Variants in MAN1C1 observed in about 807,000 individuals in gnomAD.
The protein encoded by MAN1C1 is mannosidase alpha class 1C member 1.
In MAN1C1, 49 loss-of-function variants were observed where a neutral mutation model predicts 71.5. That is an observed-to-expected ratio of 0.69 (90% CI 0.54 to 0.87). The LOEUF (loss-of-function observed/expected upper bound fraction) is 0.87. MAN1C1 is among the 40% of genes least tolerant of loss of function. MAN1C1 has a pLI of 0.00. For synonymous variants in MAN1C1, 352 were observed against 343.7 expected (o/e 1.02, Z -0.27); for missense variants, 743 against 835.0 (o/e 0.89, Z 1.36).
chr1:25,622,478 C>T (rs1000712584), intron 1 of MAN1C1, among the ~76,000 whole-genome samples: 2 of 152,214 alleles, frequency 1.3e-5, no homozygotes, highest in African/African-American at 4.8e-5. Flanking sequence ...GTTAAGATTG[C>T]TAGTGGCTAA....
At chr1:25,738,722 T>G (rs771028323) in intron 2 of MAN1C1, among the ~76,000 whole-genome samples, 24 of 152,240 alleles carry the variant, frequency 1.6e-4, no homozygotes, top group Admixed American at 4.6e-4. Context: ...GATGGGACTG[T>G]CAGTCAGAAA....
chr1:25,763,677 C>T (rs2047390528), intron 6 of MAN1C1, 197 bp from the exon 7 acceptor site: 2 of 581,590 alleles, frequency 3.4e-6, no homozygotes, highest in Non-Finnish European at 3.1e-6. Context: ...CTGTCACACC[C>T]TTCACGTGGC....
At chr1:25,657,723 G>A (rs1349535027) in intron 1 of MAN1C1, among the ~76,000 whole-genome samples, 1 of 152,186 alleles carries the variant, frequency 6.6e-6, no homozygotes. Flanking sequence ...CAGGCCCTGG[G>A]AACATGGGAA....
intron 1 of MAN1C1, among the ~76,000 whole-genome samples, chr1:25,638,825 G>T (rs570171230): frequency 2.6e-5 from 4 of 152,162 alleles, no homozygotes; most frequent in African/African-American, 7.2e-5. Flanking sequence ...TCAGCAATTT[G>T]ACTATTGTAG....
intron 1 of MAN1C1, chr1:25,654,430 G>A (rs1345973377): frequency 6.6e-6 from 1 of 152,210 alleles, no homozygotes; most frequent in Non-Finnish European, 1.5e-5. Context: ...CAGGCCCCTA[G>A]TTGAGGAAAC....
intron 8 of MAN1C1, among the ~76,000 whole-genome samples, chr1:25,772,587 T>C (rs2047568383): frequency 7.3e-6 from 1 of 137,714 alleles, no homozygotes; most frequent in Admixed American, 7.0e-5. Context: ...TCGGATCTAC[T>C]CTGCCACCAC....
Position 25,631,815 on chromosome 1 carries a change from A to C in MAN1C1, c.540+13478A>C, listed in dbSNP as rs1418065054. Among the ~76,000 whole-genome samples the C allele has an allele frequency of 6.6e-6, 1 of 152,140 alleles. No homozygotes were observed. The highest frequency in any genetic ancestry group is 1.5e-5 in the Non-Finnish European group (1 of 68,018). Reference sequence around the variant, plus strand: ...CTTAATCTTTTGGAATAGTTTCAGTAGCTGGAGTGTAGTGGCGCGATCTCA... The same window carrying C: ...CTTAATCTTTTGGAATAGTTTCAGTCGCTGGAGTGTAGTGGCGCGATCTCA... On this transcript the variant is annotated intron_variant, in intron 1 of 11. Coordinates refer to ENST00000374332, the MANE Select transcript of MAN1C1 (RefSeq NM_020379.4). The surrounding 1 kb of genome is among the most constrained non-coding windows in gnomAD (Gnocchi z 4.2).
At chr1:25,749,724 A>G (rs755450806) in intron 4 of MAN1C1, among the ~76,000 whole-genome samples, 1 of 152,142 alleles carries the variant, frequency 6.6e-6, no homozygotes, top group Non-Finnish European at 1.5e-5. Context: ...GGGTCCATAC[A>G]TCATCCACTC....
In MAN1C1 at chr1:25,650,986, G is replaced by T. The variant is rs771580861; in HGVS notation, c.540+32649G>T. ...TTTTTTTTACTTATTCATTCAGTAAGTAAGAACTCCTCCAAGGAGACCTGG... is the reference window on the plus strand; with the variant it reads ...TTTTTTTTACTTATTCATTCAGTAATTAAGAACTCCTCCAAGGAGACCTGG... On this transcript the variant is annotated intron_variant, in intron 1 of 11. Coordinates refer to ENST00000374332, the MANE Select transcript of MAN1C1 (RefSeq NM_020379.4). Among the ~76,000 whole-genome samples, 6 of 152,100 alleles carry T rather than the reference G, an allele frequency of 3.9e-5. No homozygotes were observed. The South Asian group carries it at 1.2e-3, about 32-fold the overall frequency.
intron 2 of MAN1C1, among the ~76,000 whole-genome samples, chr1:25,687,598 C>T (rs994163629): frequency 6.6e-6 from 1 of 152,154 alleles, no homozygotes; most frequent in Non-Finnish European, 1.5e-5. Flanking sequence ...AGGGATATCC[C>T]CCCATCACCC....
chr1:25,729,656 C>T (rs1180559048), intron 2 of MAN1C1, among the ~76,000 whole-genome samples: 4 of 151,944 alleles, frequency 2.6e-5, no homozygotes, highest in East Asian at 1.9e-4. Flanking sequence ...GGACTACAGG[C>T]GCCCACCACC....
chr1:25,782,450 C>T lies in MAN1C1; in HGVS notation c.1651-135C>T. On this transcript the variant is annotated intron_variant, in intron 10 of 11. Coordinates refer to ENST00000374332, the MANE Select transcript of MAN1C1 (RefSeq NM_020379.4). This position sits in a 1 kb window ranked among gnomAD's most constrained non-coding sequence, Gnocchi z 4.4. ...TTTGACCTTCTGTTCCCACAAATGC[C>T]AGGAGTCCCCAGCCAAGGGGTGGGG... is the stretch of plus-strand genomic sequence containing the variant. 6.5e-6 allele frequency: 4 copies of T among 619,192 alleles called. No individual in the cohort carries two copies. The allele number at this position is 619,192 out of a possible 1,614,324, so 38.4% of individuals were successfully genotyped here. A position where few individuals can be genotyped will look rare whatever the true frequency, so the allele number is the denominator to read the frequency against.
In MAN1C1 at chr1:25,775,304, GC is replaced by G. The variant is rs2047605188; in HGVS notation, c.1258-2800del. Among the ~76,000 whole-genome samples the G allele has an allele frequency of 6.6e-6, 1 of 152,246 alleles. No individual in the cohort carries two copies. The highest frequency in any genetic ancestry group is 2.4e-5 in the African/African-American group (1 of 41,462). ...CCCCTGCCTGCAGCCCGGCTGCTCT[GC>G]AGGTGTCCTCAGCACTCCCCCATGT... On this transcript the variant is annotated intron_variant, in intron 8 of 11. Coordinates refer to ENST00000374332, the MANE Select transcript of MAN1C1 (RefSeq NM_020379.4). This position sits in a 1 kb window ranked among gnomAD's most constrained non-coding sequence, Gnocchi z 5.1.
intron 2 of MAN1C1, among the ~76,000 whole-genome samples, chr1:25,704,925 G>A (rs1298247395): frequency 6.6e-6 from 1 of 152,202 alleles, no homozygotes; most frequent in African/African-American, 2.4e-5. Flanking sequence ...GCATTTTTAA[G>A]CTCCTCTCCT....
At chr1:25,620,797 G>A (rs1254766479) in intron 1 of MAN1C1, among the ~76,000 whole-genome samples, 1 of 152,184 alleles carries the variant, frequency 6.6e-6, no homozygotes, top group Non-Finnish European at 1.5e-5. Context: ...TGGACACTTG[G>A]ACTCTAGATC....
chr1:25,628,555 G>A (rs1267136481), intron 1 of MAN1C1, among the ~76,000 whole-genome samples: 2 of 152,146 alleles, frequency 1.3e-5, no homozygotes, highest in African/African-American at 4.8e-5. Context: ...TGATCCATCT[G>A]CCCCTGCCTC....
intron 1 of MAN1C1, among the ~76,000 whole-genome samples, chr1:25,653,901 C>T (rs113095750): frequency 0.053 from 8,113 of 152,174 alleles, 727 homozygotes; most frequent in African/African-American, 0.18. Flanking sequence ...TTTTTCGAGA[C>T]GTTTTTGGCT....
At position 25,617,763 on chromosome 1, in the gene MAN1C1, C is replaced by T; in HGVS notation, c.-35C>T. 6.5e-7 allele frequency: 1 copy of T among 1,546,890 alleles called. No individual in the cohort carries two copies. Among genetic ancestry groups the T allele is most frequent in the Middle Eastern group, 2.2e-4 (1 of 4,570 alleles). On this transcript the variant is annotated 5_prime_UTR_variant, in exon 1 of 12. Transcript: ENST00000374332. The surrounding 1 kb of genome is among the most constrained non-coding windows in gnomAD (Gnocchi z 5.1). ...GCGCCCCCGCAGACACGTGCCTGGA[C>T]TCCGAGGGCTTCTGGAGCCACCGGC...
At position 25,617,884 on chromosome 1, in the gene MAN1C1, C is replaced by T; in HGVS notation, c.87C>T (p.Leu29=). The stretch of plus-strand genomic sequence containing the variant: ...AGAAGTTCCTCTTCCTCCTCTTCCT[C>T]TCGGGCCTGGTCACCCTGTGCTTCG... ...LPQKFLFLLF[L]SGLVTLCFGA... Residue 29 remains leucine (L), a synonymous_variant, in exon 1 of 12, where the codon CTC becomes CTT. Transcript: ENST00000374332. The surrounding 1 kb of genome is among the most constrained non-coding windows in gnomAD (Gnocchi z 5.1). 6.2e-7 allele frequency: 1 copy of T among 1,609,134 alleles called. No homozygotes were observed.
Sources: gnomAD v4.1 joint callset for allele counts (sites outside exome capture counted in the v4.1 genomes callset) on GRCh38, gnomAD v4.1.1 for gene constraint, Gnocchi (gnomAD v3.1) non-coding constraint, MANE v1.5 for transcripts, NCBI Gene and HGNC (gene_info 2026-07-23, HGNC 2026-07-21) for gene names.